EEFSEC: variants seen among roughly 807,000 people sequenced by gnomAD.
EEFSEC encodes eukaryotic elongation factor, selenocysteine-tRNA specific, also known as selenocysteine-specific elongation factor.
Under a neutral mutation model 42.1 loss-of-function variants are expected in EEFSEC, and 43 were observed. That is an observed-to-expected ratio of 1.02 (90% CI 0.80 to 1.32). The LOEUF (loss-of-function observed/expected upper bound fraction) is 1.32, where lower values mean the gene tolerates loss of function less well. Among genes scored for constraint, EEFSEC ranks in the 40% most tolerant of loss-of-function variants. EEFSEC has a pLI of 0.00. For synonymous variants in EEFSEC, 354 were observed against 339.1 expected (o/e 1.04, Z -0.48); for missense variants, 745 against 803.6 (o/e 0.93, Z 0.88).
At chr3:128,254,116 C>T (rs530428657) in intron 2 of EEFSEC, among the ~76,000 whole-genome samples, 191 of 152,214 alleles carry the variant, frequency 1.3e-3, no homozygotes, top group African/African-American at 4.2e-3. Flanking sequence ...TGGATGATGG[C>T]GAAGGTGAGC....
At chr3:128,344,359 TAAATC>T (rs2067288520) in intron 5 of EEFSEC, among the ~76,000 whole-genome samples, 1 of 152,238 alleles carries the variant, frequency 6.6e-6, no homozygotes, top group Non-Finnish European at 1.5e-5. Flanking sequence ...TTTCCCCAAT[TAAATC>T]AATCAAATTA....
chr3:128,395,653 T>C (rs2067972413), intron 6 of EEFSEC, among the ~76,000 whole-genome samples: 1 of 152,182 alleles, frequency 6.6e-6, no homozygotes, highest in Admixed American at 6.5e-5. Context: ...TCACAGGGGA[T>C]CGTGGCCGTG....
At chr3:128,369,972 T>C (rs2067634455) in intron 6 of EEFSEC, among the ~76,000 whole-genome samples, 1 of 152,188 alleles carries the variant, frequency 6.6e-6, no homozygotes, top group Non-Finnish European at 1.5e-5. Context: ...GATGCCACAT[T>C]GTCTAGGATA....
intron 1 of EEFSEC, among the ~76,000 whole-genome samples, chr3:128,238,429 C>A (rs2066034925): frequency 6.6e-6 from 1 of 152,206 alleles, no homozygotes. Flanking sequence ...GATCCTCAGG[C>A]ATCTTTAAGT....
At chr3:128,395,558 A>AGAG (rs1417278164) in intron 6 of EEFSEC, among the ~76,000 whole-genome samples, 1 of 152,210 alleles carries the variant, frequency 6.6e-6, no homozygotes, top group Non-Finnish European at 1.5e-5. Flanking sequence ...GAGAACAAAA[A>AGAG]GAGGAGAAAA....
chr3:128,416,852 A>G, the EEFSEC span, among the ~76,000 whole-genome samples: 1 of 152,076 alleles, frequency 6.6e-6, no homozygotes, highest in Non-Finnish European at 1.5e-5. Flanking sequence ...TGCTGGCCCC[A>G]TCTGAGCCCT....
At chr3:128,425,363 G>T in the EEFSEC span, among the ~76,000 whole-genome samples, 10 of 152,210 alleles carry the variant, frequency 6.6e-5, no homozygotes, top group African/African-American at 2.2e-4. Flanking sequence ...ACTGAGCAGG[G>T]CCCCGAGGTG....
chr3:128,288,919 G>A (rs1459083043), intron 4 of EEFSEC, among the ~76,000 whole-genome samples: 1 of 152,220 alleles, frequency 6.6e-6, no homozygotes, highest in Non-Finnish European at 1.5e-5. Flanking sequence ...GGTGCCTGGA[G>A]GTATAGGGCT....
intron 6 of EEFSEC, among the ~76,000 whole-genome samples, chr3:128,387,331 G>T (rs748680573): frequency 1.5e-4 from 23 of 152,204 alleles, no homozygotes; most frequent in Non-Finnish European, 2.6e-4. Context: ...TGTCCTGGCA[G>T]TTCTCAATAG....
Position 128,334,083 on chromosome 3 carries a change from G to A in EEFSEC, c.787-7150G>A, listed in dbSNP as rs116258087. On this transcript the variant is annotated intron_variant, in intron 4 of 6. Coordinates refer to ENST00000254730, the MANE Select transcript of EEFSEC (RefSeq NM_021937.5). ...CAAGTCCAGCAGGGAGAGGGCTGCT[G>A]CTGACCTTCCCCAGGGTAGCTGCTG... is the stretch of plus-strand genomic sequence containing the variant. 7.1e-3 allele frequency among the ~76,000 whole-genome samples: 1,088 copies of A among 152,308 alleles called. 20 individuals are homozygous for A. Among genetic ancestry groups the A allele is most frequent in the African/African-American group, 0.025 (1,034 of 41,574 alleles).
intron 4 of EEFSEC, among the ~76,000 whole-genome samples, chr3:128,334,206 C>T (rs948772590): frequency 1.8e-4 from 28 of 152,242 alleles, no homozygotes; most frequent in African/African-American, 5.8e-4. Flanking sequence ...CTTTCTCACC[C>T]GAGAAAGGGG....
intron 6 of EEFSEC, among the ~76,000 whole-genome samples, chr3:128,398,195 G>C (rs935683543): frequency 6.6e-6 from 1 of 152,240 alleles, no homozygotes; most frequent in Admixed American, 6.5e-5. Context: ...TCAGGGCAGA[G>C]TGTGGGGGGC....
intron 2 of EEFSEC, among the ~76,000 whole-genome samples, chr3:128,259,774 A>G (rs2107924164): frequency 6.6e-6 from 1 of 152,264 alleles, no homozygotes; most frequent in Admixed American, 6.5e-5. Context: ...GACTTCTTTC[A>G]CCTAGCACAG....
chr3:128,200,434 A>G (rs1219161370), intron 1 of EEFSEC, among the ~76,000 whole-genome samples: 2 of 152,316 alleles, frequency 1.3e-5, no homozygotes, highest in African/African-American at 4.8e-5. Context: ...GATTACAGGC[A>G]TGTGCCACCA....
At chr3:128,301,781 A>G (rs2066771506) in intron 4 of EEFSEC, among the ~76,000 whole-genome samples, 1 of 152,170 alleles carries the variant, frequency 6.6e-6, no homozygotes, top group Non-Finnish European at 1.5e-5. Flanking sequence ...ACTGGTGTGC[A>G]GAAGGGACTT....
chr3:128,401,184 C>T lies in EEFSEC; in HGVS notation c.1601-6885C>T, dbSNP rs202016180. 3.9e-5 allele frequency among the ~76,000 whole-genome samples: 6 copies of T among 152,180 alleles called. No individual in the cohort carries two copies. In the East Asian group the frequency reaches 9.6e-4, roughly 24 times the overall value. ...CAGGGGGCCAGGTCAGCCTGAGACC[C>T]GAGCCTGGACTTCTTTCTCCCTTGG... is the stretch of plus-strand genomic sequence containing the variant. On this transcript the variant is annotated intron_variant, in intron 6 of 6. Transcript: ENST00000254730.
In EEFSEC at chr3:128,408,273, T is replaced by TC; in HGVS notation, c.*19dup. On this transcript the variant is annotated 3_prime_UTR_variant, in exon 7 of 7. Transcript: ENST00000254730. ...CAGTCTCCCTGAGTGTCCGGTGACC[T>TC]CCCCCAGGGCCTCCTTGCCCAGCCC... 1 of 1,542,714 alleles carries TC rather than the reference T, an allele frequency of 6.5e-7. No homozygotes were observed. The highest frequency in any genetic ancestry group is 8.8e-7 in the Non-Finnish European group (1 of 1,139,308).
intron 6 of EEFSEC, among the ~76,000 whole-genome samples, chr3:128,388,966 C>T (rs2067874692): frequency 6.6e-6 from 1 of 152,192 alleles, no homozygotes; most frequent in Non-Finnish European, 1.5e-5. Context: ...TGGACTGTCC[C>T]TGTGCCTCAT....
intron 4 of EEFSEC, among the ~76,000 whole-genome samples, chr3:128,319,832 ACAT>A (rs1317064445): frequency 1.3e-5 from 2 of 152,228 alleles, no homozygotes. Flanking sequence ...TGTGCCCAGA[ACAT>A]AATAGGTGCT....
Sources: gnomAD v4.1 joint callset for allele counts (sites outside exome capture counted in the v4.1 genomes callset) on GRCh38, gnomAD v4.1.1 for gene constraint, MANE v1.5 for transcripts, NCBI Gene and HGNC (gene_info 2026-07-23, HGNC 2026-07-21) for gene names.